EHHADH: variants seen among roughly 807,000 people sequenced by gnomAD.
The protein encoded by EHHADH is peroxisomal bifunctional enzyme.
In EHHADH, 48 loss-of-function variants were observed where a neutral mutation model predicts 64.4. The observed-to-expected ratio is 0.75, with a 90% CI of 0.59 to 0.95. The LOEUF is 0.95. EHHADH is among the 40% of genes least tolerant of loss of function. EHHADH has a pLI of 0.00. For missense variants in EHHADH, 854 were observed against 876.6 expected, an observed-to-expected ratio of 0.97 and a Z score of 0.33; for synonymous variants, 308 against 326.7, an observed-to-expected ratio of 0.94 and a Z score of 0.62.
chr3:185,228,257 A>AAAAAATAT (rs1367786172), intron 4 of EHHADH, among the ~76,000 whole-genome samples: 7 of 21,996 alleles, frequency 3.2e-4, no homozygotes, highest in Non-Finnish European at 7.5e-4. Flanking sequence ...AAAAAAAAAA[A>AAAAAATAT]ATATATATAT....
chr3:185,218,204 C>T lies in EHHADH; in HGVS notation c.500G>A (p.Gly167Asp). ...TGAGTTTACAACTTTATCTAGAATG[C>T]CCAGCTTGAGTGCTTCATCTGCTAA... ...RILADEALKL[G>D]ILDKVVNSDP... is the part of the protein sequence containing the mutation. Residue 167 changes from glycine to aspartate, a missense_variant, in exon 5 of 7, where the codon GGC becomes GAC. Transcript: ENST00000231887. 1 of 1,605,634 alleles carries T rather than the reference C, an allele frequency of 6.2e-7. No individual in the cohort carries two copies.
At position 185,193,034 on chromosome 3, in the gene EHHADH, G is replaced by A. The variant is rs756077792; in HGVS notation, c.1364C>T (p.Thr455Ile). 1.3e-5 allele frequency: 21 copies of A among 1,614,096 alleles called. No individual in the cohort carries two copies. The highest frequency in any genetic ancestry group is 1.7e-5 in the Non-Finnish European group (20 of 1,180,060). ...TGATAAGTTCATAACAGTGGCAATGGTAGTGGGGGAAGAGTATTGGCTGGG... is the reference window on the plus strand; with the variant it reads ...TGATAAGTTCATAACAGTGGCAATGATAGTGGGGGAAGAGTATTGGCTGGG... ...VIPSQYSSPTTIATVMNLSKK... is the reference protein window; with the variant it reads ...VIPSQYSSPTIIATVMNLSKK... Residue 455 changes from threonine to isoleucine, a missense_variant, in exon 7 of 7, where the codon ACC becomes ATC. Transcript: ENST00000231887.
intron 6 of EHHADH, among the ~76,000 whole-genome samples, chr3:185,197,873 T>G (rs184130532): frequency 6.6e-6 from 1 of 152,210 alleles, no homozygotes; most frequent in Admixed American, 6.5e-5. Context: ...CTCGGAACAC[T>G]GCAACCTCTG....
intron 4 of EHHADH, among the ~76,000 whole-genome samples, chr3:185,226,652 A>AC (rs2108642372): frequency 1.1e-5 from 1 of 93,602 alleles, no homozygotes; most frequent in African/African-American, 4.0e-5. Flanking sequence ...TCCATCTCCA[A>AC]AAAAAAAAAA....
Position 185,192,050 on chromosome 3 carries a change from A to G in EHHADH, c.*176T>C. The G allele has an allele frequency of 1.4e-6, 1 of 706,816 alleles. No individual in the cohort carries two copies. The highest frequency in any genetic ancestry group is 2.3e-6 in the Non-Finnish European group (1 of 434,830). 43.8% of individuals were successfully genotyped at this position (706,816 alleles called of 1,614,324 possible). A position where few individuals can be genotyped will look rare whatever the true frequency, so the allele number is the denominator to read the frequency against. On this transcript the variant is annotated 3_prime_UTR_variant, in exon 7 of 7. Coordinates refer to ENST00000231887, the MANE Select transcript of EHHADH (RefSeq NM_001966.4). ...CTGATAAGGACAGATTCAGAGGCATAGGAAGCACATTCCTAAAGATTTGAC... is the reference window on the plus strand; with the variant it reads ...CTGATAAGGACAGATTCAGAGGCATGGGAAGCACATTCCTAAAGATTTGAC...
At chr3:185,223,459 A>C (rs1718889706) in intron 4 of EHHADH, among the ~76,000 whole-genome samples, 1 of 152,114 alleles carries the variant, frequency 6.6e-6, no homozygotes, top group African/African-American at 2.4e-5. Flanking sequence ...TAAGTCATAA[A>C]ATATTTTCAT....
chr3:185,232,618 T>C (rs958406028), intron 3 of EHHADH, among the ~76,000 whole-genome samples: 4 of 152,166 alleles, frequency 2.6e-5, no homozygotes, highest in African/African-American at 7.2e-5. Flanking sequence ...CCAGCTAATT[T>C]TGTATTTTTA....
chr3:185,253,761 TAAA>T (rs60892892), intron 1 of EHHADH, 185 bp downstream of exon 1: 2,888 of 1,061,350 alleles, frequency 2.7e-3, no homozygotes, highest in South Asian at 4.4e-3. Context: ...TAATCTAGGT[TAAA>T]AAAAAAAAAA....
chr3:185,238,571 G>C (rs984864123), intron 2 of EHHADH, among the ~76,000 whole-genome samples: 1 of 152,010 alleles, frequency 6.6e-6, no homozygotes, highest in Admixed American at 6.6e-5. Context: ...AAATGTATAT[G>C]TCCTATGTGT....
At chr3:185,232,205 T>G (rs1189303481) in intron 3 of EHHADH, among the ~76,000 whole-genome samples, 3 of 152,146 alleles carry the variant, frequency 2.0e-5, no homozygotes, top group African/African-American at 7.2e-5. Flanking sequence ...TACATGAGGT[T>G]TTCCTAACAG....
intron 4 of EHHADH, among the ~76,000 whole-genome samples, chr3:185,225,026 T>C (rs1218873613): frequency 6.6e-6 from 1 of 152,254 alleles, no homozygotes; most frequent in Non-Finnish European, 1.5e-5. Context: ...GTTTATGAAA[T>C]GTGGTCTGTT....
At chr3:185,248,022 C>T (rs1296287872) in intron 2 of EHHADH, 2 of 163,442 alleles carry the variant, frequency 1.2e-5, no homozygotes, top group Non-Finnish European at 2.6e-5. Context: ...TGTTATCTCG[C>T]TTAATGTCAC....
Position 185,229,429 on chromosome 3 carries a change from G to A in EHHADH, c.463+3C>T, listed in dbSNP as rs374657456. 4 of 1,518,684 alleles carry A rather than the reference G, an allele frequency of 2.6e-6. No homozygotes were observed. The highest frequency in any genetic ancestry group is 3.6e-6 in the Non-Finnish European group (4 of 1,123,660). The allele number at this position is 1,518,684 out of a possible 1,614,324, so 94.1% of individuals were successfully genotyped here. A position where few individuals can be genotyped will look rare whatever the true frequency, so the allele number is the denominator to read the frequency against. On this transcript the variant is annotated splice_donor_region_variant and intron_variant, in intron 4 of 6. Coordinates refer to ENST00000231887, the MANE Select transcript of EHHADH (RefSeq NM_001966.4). ...GACAGTTGTTGCCAAGGTCTATACT[G>A]ACCTGAGGTAATTAAGTCAAGTGCA...
At chr3:185,218,528 C>T (rs199809736) in intron 4 of EHHADH, among the ~76,000 whole-genome samples, 1 of 152,118 alleles carries the variant, frequency 6.6e-6, no homozygotes, top group Non-Finnish European at 1.5e-5. Context: ...TTATGCTTAT[C>T]TCAGTAATTC....
At chr3:185,225,796 C>T (rs1218247308) in intron 4 of EHHADH, among the ~76,000 whole-genome samples, 3 of 152,094 alleles carry the variant, frequency 2.0e-5, no homozygotes, top group African/African-American at 7.2e-5. Context: ...GGTCTTTGTA[C>T]TTGCTATTTT....
chr3:185,192,868 T>C lies in EHHADH; in HGVS notation c.1530A>G (p.Glu510=). ...SKPEEVDQVL[E]EFGFKMGPFR... is the part of the protein sequence containing the mutation. ...AAGGTCCCATTTTAAAACCAAACTC[T>C]TCCAGCACCTGATCTACCTCCTCTG... The change falls in exon 7 of 7, where the codon GAA becomes GAG. Residue 510 remains glutamate, a synonymous_variant. Coordinates refer to ENST00000231887, the MANE Select transcript of EHHADH (RefSeq NM_001966.4). 1 of 1,614,174 alleles carries C rather than the reference T, an allele frequency of 6.2e-7. No homozygotes were observed. The highest frequency in any genetic ancestry group is 8.5e-7 in the Non-Finnish European group (1 of 1,180,032).
rs571921187 is a variant in EHHADH, at chr3:185,198,135, A to T, written c.911-4648T>A. Among the ~76,000 whole-genome samples, 3 of 151,880 alleles carry T rather than the reference A, an allele frequency of 2.0e-5. No individual in the cohort carries two copies. The East Asian group carries it at 5.9e-4, about 30-fold the overall frequency. On this transcript the variant is annotated intron_variant, in intron 6 of 6. Transcript: ENST00000231887. ...CTTTGGGGTAAATATCCAGAAGTGG[A>T]ATTGCTGGATTATATGGCAATTTTT...
At chr3:185,194,355 G>A (rs1353281510) in intron 6 of EHHADH, among the ~76,000 whole-genome samples, 1 of 152,094 alleles carries the variant, frequency 6.6e-6, no homozygotes, top group East Asian at 1.9e-4. Context: ...GCTCACACTT[G>A]TAATCCCAGC....
At chr3:185,207,774 A>G (rs1577358781) in intron 5 of EHHADH, among the ~76,000 whole-genome samples, 1 of 152,234 alleles carries the variant, frequency 6.6e-6, no homozygotes, top group East Asian at 1.9e-4. Context: ...TAAACTGCTA[A>G]GCTTGTGGTA....
Sources: allele counts gnomAD v4.1 joint callset (sites outside exome capture counted in the v4.1 genomes callset), GRCh38; gene constraint gnomAD v4.1.1; transcripts MANE v1.5; gene names NCBI Gene and HGNC (gene_info 2026-07-23, HGNC 2026-07-21).